The following HYLS1 variants were observed in gnomAD, a reference collection of about 807,000 sequenced individuals.
HYLS1 encodes HYLS1 centriolar and ciliogenesis associated, also known as centriolar and ciliogenesis-associated protein HYLS1.
A neutral mutation model predicts 29.4 loss-of-function variants in HYLS1; 25 were observed. The observed-to-expected ratio is 0.85, with a 90% CI of 0.62 to 1.19. The LOEUF is 1.19. Ranked by LOEUF, HYLS1 falls within the 50% of genes most tolerant of loss-of-function variation. The pLI is 0.00. For synonymous variants in HYLS1, 128 were observed against 126.7 expected, an observed-to-expected ratio of 1.01 and a Z score of -0.07; for missense variants, 352 against 365.1, an observed-to-expected ratio of 0.96 and a Z score of 0.29.
chr11:125,899,049 C>A, intron 2 of HYLS1: 3 of 308,432 alleles, frequency 9.7e-6, no homozygotes, highest in African/African-American at 2.1e-5. Context: ...CAGTATGCCC[C>A]ATATCATGTA....
In HYLS1 at chr11:125,893,642, T is replaced by C. The variant is rs533826596; in HGVS notation, c.-26+2170T>C. The C allele has an allele frequency of 6.9e-5, 45 of 648,074 alleles. No homozygotes were observed. The African/African-American group carries it at 8.5e-4, about 12-fold the overall frequency. 40.1% of individuals were successfully genotyped at this position (648,074 alleles called of 1,614,324 possible). ...CTTATTAAAGCAATAACTTCCTTAA[T>C]AGGGCTTTAGTCTTTTTGCTTTTTT... On this transcript the variant is annotated intron_variant, in intron 2 of 2. Coordinates refer to ENST00000425380, the MANE Select transcript of HYLS1 (RefSeq NM_001134793.2).
At position 125,892,577 on chromosome 11, in the gene HYLS1, C is replaced by T. The variant is rs920768695; in HGVS notation, c.-26+1105C>T. Reference sequence around the variant, plus strand: ...ACTTAGGAGTTATCTAGAAAGCCTCCCTAGTTTTGAACAGCATATTTATTC... The same window carrying T: ...ACTTAGGAGTTATCTAGAAAGCCTCTCTAGTTTTGAACAGCATATTTATTC... On this transcript the variant is annotated intron_variant, in intron 2 of 2. Coordinates refer to ENST00000425380, the MANE Select transcript of HYLS1 (RefSeq NM_001134793.2). Among the ~76,000 whole-genome samples, 109 of 152,214 alleles carry T rather than the reference C, an allele frequency of 7.2e-4. 1 individual carries two copies. The highest frequency in any genetic ancestry group is 2.6e-3 in the African/African-American group (106 of 41,518).
upstream of HYLS1, chr11:125,887,415 C>G (rs1368620193): frequency 2.0e-5 from 3 of 152,280 alleles, no homozygotes; most frequent in African/African-American, 7.2e-5. Context: ...GGCGTCGCAG[C>G]AACGGCTGCT....
chr11:125,896,372 T>G, intron 2 of HYLS1: 1 of 1,262,846 alleles, frequency 7.9e-7, no homozygotes, highest in African/African-American at 1.5e-5. Context: ...CAATGCTAGT[T>G]CCTTTGATGA....
Position 125,900,102 on chromosome 11 carries a change from T to A in HYLS1, c.734T>A (p.Met245Lys). The change falls in exon 3 of 3, where the codon ATG (methionine) becomes AAG (lysine). Residue 245 changes from methionine (M) to lysine (K), a missense_variant. Coordinates refer to ENST00000425380, the MANE Select transcript of HYLS1 (RefSeq NM_001134793.2). Reference sequence around the variant, plus strand: ...TTACGCTGGGGTGTCCGAGAGCAGATGCTTTGTCGAGCAGAACCCCAATCC... The same window carrying A: ...TTACGCTGGGGTGTCCGAGAGCAGAAGCTTTGTCGAGCAGAACCCCAATCC... The part of the protein sequence containing the change: ...KELRWGVREQ[M>K]LCRAEPQSKP... The A allele has an allele frequency of 6.2e-7, 1 of 1,614,180 alleles. No homozygotes were observed. The highest frequency in any genetic ancestry group is 8.5e-7 in the Non-Finnish European group (1 of 1,180,036).
At chr11:125,896,394 T>C in intron 2 of HYLS1, 2 of 1,090,592 alleles carry the variant, frequency 1.8e-6, no homozygotes, top group Non-Finnish European at 2.6e-6. Flanking sequence ...GTTCTAATGG[T>C]ATATAAGATT....
chr11:125,885,016 G>A (rs1944282615), upstream of HYLS1, among the ~76,000 whole-genome samples: 1 of 152,136 alleles, frequency 6.6e-6, no homozygotes, highest in Non-Finnish European at 1.5e-5. Flanking sequence ...AGAAAAATTG[G>A]AGGACTAAGC....
chr11:125,889,045 T>G (rs1341314821), intron 1 of HYLS1, among the ~76,000 whole-genome samples: 4 of 152,344 alleles, frequency 2.6e-5, no homozygotes, highest in African/African-American at 9.6e-5. Context: ...ATACCTTATA[T>G]TTATGTGATT....
Position 125,899,521 on chromosome 11 carries a change from C to G in HYLS1, c.153C>G (p.Tyr51Ter). 6.2e-7 allele frequency: 1 copy of G among 1,614,186 alleles called. No individual in the cohort carries two copies. The highest frequency in any genetic ancestry group is 1.1e-5 in the South Asian group (1 of 91,082). Residue 51 changes from tyrosine (Y) to a stop codon, truncating the protein, a stop_gained, in exon 3 of 3, where the codon TAC (tyrosine) becomes TAG (stop). Coordinates refer to ENST00000425380, the MANE Select transcript of HYLS1 (RefSeq NM_001134793.2). LOFTEE classifies it high-confidence loss of function. The stretch of plus-strand genomic sequence containing the variant: ...CCCAATCTATCCAATATGATCCCTA[C>G]AGTAAAGCTTCAGTAGCCCCAGGGA... ...REAQSIQYDPYSKASVAPGKR... is the reference protein window; with the variant it reads ...REAQSIQYDP
intron 1 of HYLS1, among the ~76,000 whole-genome samples, chr11:125,888,850 TC>T (rs1352890996): frequency 1.3e-5 from 2 of 151,680 alleles, no homozygotes; most frequent in Non-Finnish European, 2.9e-5. Flanking sequence ...ATAATCCAAT[TC>T]CAGGAGTTTA....
At chr11:125,896,192 T>C in intron 2 of HYLS1, 1 of 1,614,204 alleles carries the variant, frequency 6.2e-7, no homozygotes, top group Non-Finnish European at 8.5e-7. Flanking sequence ...TTTTGGCCTG[T>C]TCCTTTTTAA....
At chr11:125,886,293 G>A (rs1011902759), upstream of HYLS1, among the ~76,000 whole-genome samples, 4 of 152,178 alleles carry the variant, frequency 2.6e-5, no homozygotes, top group Non-Finnish European at 5.9e-5. Context: ...CTTAGAGGTA[G>A]CACAAAGGCC....
At chr11:125,895,648 T>A in intron 2 of HYLS1, 1 of 1,614,206 alleles carries the variant, frequency 6.2e-7, no homozygotes, top group Non-Finnish European at 8.5e-7. Flanking sequence ...CAGGCCAATA[T>A]ACGGATGTCT....
chr11:125,894,311 T>C lies in HYLS1; in HGVS notation c.-26+2839T>C, dbSNP rs1280215486. The C allele has an allele frequency of 1.9e-6, 3 of 1,559,010 alleles. No individual in the cohort carries two copies. The African/African-American group carries it at 4.1e-5, about 21-fold the overall frequency. ...ACTAGAGAAAAAGAGAAAAGAAAGT[T>C]TGAGAATACATAACATCCATCTAAC... On this transcript the variant is annotated intron_variant, in intron 2 of 2. Transcript: ENST00000425380.
At chr11:125,884,775 G>GTTAA (rs1260322227), upstream of HYLS1, among the ~76,000 whole-genome samples, 1 of 152,184 alleles carries the variant, frequency 6.6e-6, no homozygotes, top group African/African-American at 2.4e-5. Flanking sequence ...CTGGTCATAA[G>GTTAA]TTAATCATTG....
intron 2 of HYLS1, among the ~76,000 whole-genome samples, chr11:125,892,267 C>G (rs932078611): frequency 4.6e-5 from 7 of 152,146 alleles, no homozygotes; most frequent in African/African-American, 1.7e-4. Context: ...TACTCATTCT[C>G]TGAGGTGGCA....
Position 125,899,713 on chromosome 11 carries a change from C to T in HYLS1, c.345C>T (p.Ile115=), listed in dbSNP as rs139038200. Residue 115 remains isoleucine, a synonymous_variant, in exon 3 of 3, where the codon ATC becomes ATT. Transcript: ENST00000425380. The part of the protein sequence containing the change: ...GEVLVTDESI[I]SESESGTEND... The stretch of plus-strand genomic sequence containing the variant: ...TATTAGTAACAGATGAGTCGATTAT[C>T]AGTGAATCAGAATCTGGTACAGAAA... 130 of 1,614,104 alleles carry T rather than the reference C, an allele frequency of 8.1e-5. No individual in the cohort carries two copies. The highest frequency in any genetic ancestry group is 1.1e-4 in the Non-Finnish European group (126 of 1,179,964).
intron 2 of HYLS1, chr11:125,895,320 A>G: frequency 6.2e-7 from 1 of 1,614,180 alleles, no homozygotes; most frequent in South Asian, 1.1e-5. Flanking sequence ...GAGGATAGCC[A>G]TCATACATCG....
Position 125,899,693 on chromosome 11 carries a change from G to C in HYLS1, c.325G>C (p.Val109Leu). Residue 109 changes from valine (V) to leucine (L), a missense_variant, in exon 3 of 3, where the codon GTA becomes CTA. Coordinates refer to ENST00000425380, the MANE Select transcript of HYLS1 (RefSeq NM_001134793.2). The stretch of plus-strand genomic sequence containing the variant: ...CAGAAAGCCAGATGGGGAAGTATTA[G>C]TAACAGATGAGTCGATTATCAGTGA... ...LRRKPDGEVL[V>L]TDESIISESE... 1 of 1,614,230 alleles carries C rather than the reference G, an allele frequency of 6.2e-7. No homozygotes were observed. The highest frequency in any genetic ancestry group is 8.5e-7 in the Non-Finnish European group (1 of 1,180,026).
Sources: gnomAD v4.1 joint callset for allele counts (sites outside exome capture counted in the v4.1 genomes callset) on GRCh38, gnomAD v4.1.1 for gene constraint, MANE v1.5 for transcripts, NCBI Gene and HGNC (gene_info 2026-07-23, HGNC 2026-07-21) for gene names.